Variants in COG3 observed in about 807,000 individuals in gnomAD.
COG3 encodes conserved oligomeric Golgi complex subunit 3.
Under a neutral mutation model 114.1 loss-of-function variants are expected in COG3, and 32 were observed. That is an observed-to-expected ratio of 0.28 (90% CI 0.21 to 0.38). COG3 has a LOEUF of 0.38. Ranked by LOEUF, COG3 falls within the 10% of genes least tolerant of loss-of-function variation. COG3 has a pLI of 1.00. For synonymous variants in COG3, 352 were observed against 365.7 expected (o/e 0.96, Z 0.43); for missense variants, 813 against 973.2 (o/e 0.84, Z 2.19).
At chr13:45,480,584 T>C (rs1333861023) in intron 4 of COG3, among the ~76,000 whole-genome samples, 1 of 152,154 alleles carries the variant, frequency 6.6e-6, no homozygotes, top group East Asian at 1.9e-4. Context: ...TATTTTTTAT[T>C]TTTATTTTTT....
intron 22 of COG3, among the ~76,000 whole-genome samples, chr13:45,532,907 C>T (rs1318831404): frequency 1.3e-5 from 2 of 151,052 alleles, no homozygotes; most frequent in African/African-American, 2.4e-5. Flanking sequence ...GAGAAAAACG[C>T]GTGTTTTTGT....
At chr13:45,483,144 A>G in intron 6 of COG3, 86 bp from the exon 7 acceptor site, 2 of 916,058 alleles carry the variant, frequency 2.2e-6, no homozygotes, top group South Asian at 1.7e-5. Flanking sequence ...ATATTGCTTT[A>G]CATAGGGACA....
intron 8 of COG3, among the ~76,000 whole-genome samples, chr13:45,490,242 A>G (rs1441745528): frequency 6.6e-6 from 1 of 152,222 alleles, no homozygotes; most frequent in East Asian, 1.9e-4. Context: ...ACATTTTAGA[A>G]GAATAGACCA....
chr13:45,480,525 G>A (rs1438808040), intron 4 of COG3, among the ~76,000 whole-genome samples: 1 of 152,136 alleles, frequency 6.6e-6, no homozygotes, highest in African/African-American at 2.4e-5. Flanking sequence ...ATTTCCAAAT[G>A]TAGTGGCTAT....
At chr13:45,468,452 A>G (rs377308068) in intron 1 of COG3, among the ~76,000 whole-genome samples, 1 of 152,190 alleles carries the variant, frequency 6.6e-6, no homozygotes, top group Non-Finnish European at 1.5e-5. Context: ...CAAAGGTAAG[A>G]AAAGGAGAGG....
chr13:45,496,059 A>T, intron 12 of COG3, 93 bp from the exon 13 acceptor site: 1 of 1,289,370 alleles, frequency 7.8e-7, no homozygotes, highest in Non-Finnish European at 1.1e-6. Context: ...AGTGGTTCAT[A>T]CTGTTTCTGA....
At chr13:45,472,304 T>C (rs936845287) in intron 1 of COG3, among the ~76,000 whole-genome samples, 4 of 152,158 alleles carry the variant, frequency 2.6e-5, no homozygotes, top group Non-Finnish European at 4.4e-5. Context: ...GGGGTTTGCC[T>C]GTGTGTATGT....
chr13:45,468,498 A>G (rs376334406), intron 1 of COG3, among the ~76,000 whole-genome samples: 1 of 152,206 alleles, frequency 6.6e-6, no homozygotes, highest in African/African-American at 2.4e-5. Flanking sequence ...GACTCCACCT[A>G]TACCTCTTCA....
Position 45,508,384 on chromosome 13 carries a change from TTTTATA to T in COG3, c.1595-1306_1595-1301del, listed in dbSNP as rs1392393718. Among the ~76,000 whole-genome samples the T allele has an allele frequency of 6.7e-3, 223 of 33,262 alleles. 7 individuals carry two copies. The highest frequency in any genetic ancestry group is 2.5e-3 in the Non-Finnish European group (32 of 12,558). 21.8% of individuals were successfully genotyped at this position (33,262 alleles called of 152,430 possible). A position where few individuals can be genotyped will look rare whatever the true frequency, so the allele number is the denominator to read the frequency against. On this transcript the variant is annotated intron_variant, in intron 14 of 22. Coordinates refer to ENST00000349995, the MANE Select transcript of COG3 (RefSeq NM_031431.4). The stretch of plus-strand genomic sequence containing the variant: ...TTAACATTTTATTTTTTATATATAT[TTTTATA>T]TATATATATATATACACACACACAC...
intron 14 of COG3, among the ~76,000 whole-genome samples, chr13:45,508,386 T>TG (rs56349646): frequency 9.1e-6 from 1 of 109,692 alleles, no homozygotes; most frequent in South Asian, 2.8e-4. Context: ...ATATATATTT[T>TG]TATATATATA....
chr13:45,479,340 T>A (rs1426867155), intron 3 of COG3, among the ~76,000 whole-genome samples: 3 of 152,030 alleles, frequency 2.0e-5, no homozygotes, highest in Non-Finnish European at 2.9e-5. Flanking sequence ...TAGGTTCAGG[T>A]AGGAGTTGTA....
intron 13 of COG3, among the ~76,000 whole-genome samples, chr13:45,502,204 A>G (rs571637747): frequency 1.4e-4 from 22 of 152,274 alleles, no homozygotes; most frequent in African/African-American, 5.3e-4. Context: ...GATCTAGTGA[A>G]TGGTGCTCCC....
chr13:45,475,547 A>G (rs1885808444), intron 1 of COG3, among the ~76,000 whole-genome samples: 1 of 152,118 alleles, frequency 6.6e-6, no homozygotes, highest in Non-Finnish European at 1.5e-5. Context: ...CTTTTGTGTT[A>G]GATACTGGGG....
chr13:45,503,019 T>A (rs1869709996), intron 13 of COG3, among the ~76,000 whole-genome samples: 1 of 152,206 alleles, frequency 6.6e-6, no homozygotes, highest in Non-Finnish European at 1.5e-5. Context: ...GTTTCAAAAA[T>A]AGCATACTGT....
intron 8 of COG3, among the ~76,000 whole-genome samples, chr13:45,488,072 G>T (rs1886779952): frequency 1.3e-5 from 2 of 152,170 alleles, no homozygotes; most frequent in Non-Finnish European, 2.9e-5. Context: ...CCTGTCATTT[G>T]CAGCAACGTG....
In COG3 at chr13:45,536,110, CT is replaced by C. The variant is rs1873533034; in HGVS notation, c.*1380del. Reference sequence around the variant, plus strand: ...GTTGCTTGATTGAGCTTATTACTCTCTATTTTGAGAAGGTAGAAGGTAAGAG... The same window carrying C: ...GTTGCTTGATTGAGCTTATTACTCTCATTTTGAGAAGGTAGAAGGTAAGAG... On this transcript the variant is annotated 3_prime_UTR_variant, in exon 23 of 23. Transcript: ENST00000349995. 2 of 152,486 alleles carry C rather than the reference CT, an allele frequency of 1.3e-5. No homozygotes were observed. The highest frequency in any genetic ancestry group is 4.9e-5 in the African/African-American group (2 of 41,084). The allele number at this position is 152,486 out of a possible 1,614,324, so 9.4% of individuals were successfully genotyped here.
intron 7 of COG3, among the ~76,000 whole-genome samples, 199 bp from the exon 8 acceptor site, chr13:45,486,289 TCGGGAGA>T (rs772080989): frequency 0.059 from 6,309 of 107,474 alleles, 686 homozygotes; most frequent in African/African-American, 0.081. Context: ...AGGGAGACCA[TCGGGAGA>T]CGGGAGACGG....
At chr13:45,492,130 T>C (rs374017670) in intron 10 of COG3, 29 bp from the exon 11 acceptor site, 7 of 1,368,388 alleles carry the variant, frequency 5.1e-6, no homozygotes, top group Middle Eastern at 1.8e-4. Context: ...TGTCTTTAAC[T>C]GTAGGTGGTG....
chr13:45,465,570 CAGA>C (rs577864837), intron 1 of COG3: 82 of 206,612 alleles, frequency 4.0e-4, no homozygotes, highest in African/African-American at 1.5e-3. Context: ...CACTCTCTCC[CAGA>C]AGGAGAGGCA....
Sources: gnomAD v4.1 joint callset for allele counts (sites outside exome capture counted in the v4.1 genomes callset) on GRCh38, gnomAD v4.1.1 for gene constraint, MANE v1.5 for transcripts, NCBI Gene and HGNC (gene_info 2026-07-23, HGNC 2026-07-21) for gene names.